The following TUBGCP5 variants were observed in gnomAD, a reference collection of about 807,000 sequenced individuals.
TUBGCP5 encodes gamma-tubulin complex component 5.
TUBGCP5 carries 98 observed loss-of-function variants against 134.7 expected under a neutral mutation model. The observed-to-expected ratio is 0.73, with a 90% CI of 0.62 to 0.86. The LOEUF (loss-of-function observed/expected upper bound fraction) is 0.86. Ranked by LOEUF, TUBGCP5 falls within the 40% of genes least tolerant of loss-of-function variation. The probability of loss-of-function intolerance (pLI) is 0.00; values close to 1 mark genes in which losing one functional copy is unlikely to be tolerated. For synonymous variants in TUBGCP5, 456 were observed against 431.4 expected (o/e 1.06, Z -0.71); for missense variants, 1,150 against 1,244.8 (o/e 0.92, Z 1.15).
intron 3 of TUBGCP5, among the ~76,000 whole-genome samples, chr15:23,034,859 T>C (rs1375007644): frequency 6.8e-6 from 1 of 147,488 alleles, no homozygotes; most frequent in Non-Finnish European, 1.5e-5. Flanking sequence ...CAAAAAGACA[T>C]TGAAAACAGG....
rs1427797973 is a variant in TUBGCP5 at position 23,009,950 on chromosome 15, A to C, written c.2139T>G (p.Asp713Glu). 1 of 1,611,692 alleles carries C rather than the reference A, an allele frequency of 6.2e-7. No individual in the cohort carries two copies. The highest frequency in any genetic ancestry group is 8.5e-7 in the Non-Finnish European group (1 of 1,178,624). Reference protein sequence around the residue: ...CGNLMQTLKKDYRLVEYLQAM... With the variant: ...CGNLMQTLKKEYRLVEYLQAM... ...AAATTAAATTACTCTTTTACCTGTAATCTTTTTTTAGAGTTTGCATGAGAT... is the reference window on the plus strand; with the variant it reads ...AAATTAAATTACTCTTTTACCTGTACTCTTTTTTTAGAGTTTGCATGAGAT... The change falls in exon 15 of 23, where the codon GAT becomes GAG. Residue 713 changes from aspartate to glutamate, a missense_variant. By Grantham distance (45) the Asp-to-Glu change is conservative. This residue lies in a region of TUBGCP5 where 697 missense variants were observed against 850.1 expected (regional missense o/e 0.82). Transcript: ENST00000615383.
chr15:23,034,568 A>T (rs543001965), intron 3 of TUBGCP5, among the ~76,000 whole-genome samples: 1 of 152,178 alleles, frequency 6.6e-6, no homozygotes, highest in Non-Finnish European at 1.5e-5. Context: ...GCTTGAAAAT[A>T]TATCAACAGA....
chr15:22,999,549 C>T lies in TUBGCP5; in HGVS notation c.*271G>A, dbSNP rs967405054. On this transcript the variant is annotated 3_prime_UTR_variant, in exon 23 of 23. Coordinates refer to ENST00000615383, the MANE Select transcript of TUBGCP5 (RefSeq NM_052903.6). Reference sequence around the variant, plus strand: ...CTGAGTAGCTGGGACTACAGGTACACACCACCATGTCTGGATACATTTTGT... The same window carrying T: ...CTGAGTAGCTGGGACTACAGGTACATACCACCATGTCTGGATACATTTTGT... 1.9e-5 allele frequency: 8 copies of T among 429,878 alleles called. No homozygotes were observed. Among genetic ancestry groups the T allele is most frequent in the Admixed American group, 3.5e-5 (1 of 28,584 alleles). The allele number at this position is 429,878 out of a possible 1,614,324, so 26.6% of individuals were successfully genotyped here.
At chr15:23,014,965 G>C (rs1013820854) in intron 13 of TUBGCP5, among the ~76,000 whole-genome samples, 2 of 152,152 alleles carry the variant, frequency 1.3e-5, no homozygotes, top group Non-Finnish European at 2.9e-5. Flanking sequence ...CCTGGCCAGA[G>C]TAACAGCCTG....
At chr15:23,027,705 C>T (rs1044052430) in intron 6 of TUBGCP5, among the ~76,000 whole-genome samples, 4 of 151,936 alleles carry the variant, frequency 2.6e-5, no homozygotes, top group Non-Finnish European at 5.9e-5. Flanking sequence ...TGAGATCATG[C>T]CACTACGCTC....
chr15:22,986,843 C>T (rs8029320), intron 23 of TUBGCP5, among the ~76,000 whole-genome samples: 30,469 of 151,928 alleles, frequency 0.2, 3,176 homozygotes, highest in African/African-American at 0.23. Context: ...GTGTAGGAAA[C>T]TTCTGGGGAC....
chr15:23,011,761 T>G (rs1296564638), intron 13 of TUBGCP5, among the ~76,000 whole-genome samples: 1 of 143,406 alleles, frequency 7.0e-6, no homozygotes, highest in Non-Finnish European at 1.5e-5. Context: ...TCCACCCGCC[T>G]CAGCCTCCCA....
chr15:23,021,574 AC>A (rs1467495821), intron 11 of TUBGCP5, among the ~76,000 whole-genome samples: 1 of 152,116 alleles, frequency 6.6e-6, no homozygotes, highest in African/African-American at 2.4e-5. Context: ...GAAACTCTGT[AC>A]CCATTAAACA....
chr15:23,026,739 C>T (rs943682753), intron 7 of TUBGCP5, among the ~76,000 whole-genome samples: 1 of 152,072 alleles, frequency 6.6e-6, no homozygotes, highest in Non-Finnish European at 1.5e-5. Flanking sequence ...TCAAGACCAG[C>T]CTGGCCAACA....
chr15:23,033,180 A>G (rs980650866), intron 3 of TUBGCP5, among the ~76,000 whole-genome samples: 3 of 152,196 alleles, frequency 2.0e-5, no homozygotes, highest in Admixed American at 6.5e-5. Flanking sequence ...CATGCCTGAT[A>G]GTTTAACTAA....
chr15:23,025,646 C>T (rs1227943716), intron 8 of TUBGCP5, among the ~76,000 whole-genome samples: 1 of 152,070 alleles, frequency 6.6e-6, no homozygotes, highest in Non-Finnish European at 1.5e-5. Context: ...TCCTGGCTAA[C>T]ATGGTGAAAC....
Position 23,037,166 on chromosome 15 carries a change from A to T in TUBGCP5, c.147-14T>A. On this transcript the variant is annotated splice_polypyrimidine_tract_variant and intron_variant, in intron 1 of 22. Coordinates refer to ENST00000615383, the MANE Select transcript of TUBGCP5 (RefSeq NM_052903.6). ...AAACGATGAAATCTATTAAAGACAAAATGCAATTCTTATGCCAACTCTGTC... is the reference window on the plus strand; with the variant it reads ...AAACGATGAAATCTATTAAAGACAATATGCAATTCTTATGCCAACTCTGTC... The T allele has an allele frequency of 6.2e-7, 1 of 1,611,462 alleles. No individual in the cohort carries two copies. Among genetic ancestry groups the T allele is most frequent in the Non-Finnish European group, 8.5e-7 (1 of 1,179,522 alleles).
chr15:22,989,164 C>G (rs1205232385), intron 23 of TUBGCP5, among the ~76,000 whole-genome samples: 1 of 152,164 alleles, frequency 6.6e-6, no homozygotes, highest in East Asian at 1.9e-4. Context: ...CTAATTCCAT[C>G]TGCAATTTTA....
chr15:23,021,679 T>C (rs879711782), intron 11 of TUBGCP5, among the ~76,000 whole-genome samples: 5 of 152,214 alleles, frequency 3.3e-5, no homozygotes, highest in Non-Finnish European at 5.9e-5. Context: ...GTTAGTTACA[T>C]GTTAGTGTTT....
chr15:23,035,970 C>T (rs920150139), intron 3 of TUBGCP5, among the ~76,000 whole-genome samples: 1 of 152,174 alleles, frequency 6.6e-6, no homozygotes, highest in African/African-American at 2.4e-5. Context: ...AATTGAAATA[C>T]ATAGCATGTG....
At chr15:23,003,274 G>T in intron 20 of TUBGCP5, 121 bp from the exon 21 acceptor site, 1 of 861,256 alleles carries the variant, frequency 1.2e-6, no homozygotes, top group Non-Finnish European at 1.9e-6. Flanking sequence ...TGCCTTCTGT[G>T]TATATGGAAG....
At chr15:22,992,459 G>C (rs1595786527) in intron 23 of TUBGCP5, among the ~76,000 whole-genome samples, 2 of 152,222 alleles carry the variant, frequency 1.3e-5, no homozygotes, top group African/African-American at 4.8e-5. Context: ...ACAGGTATGG[G>C]TGTATGGGTA....
chr15:23,026,185 CTGCTGTACAAG>C lies in TUBGCP5; in HGVS notation c.747_757del (p.His249GlnfsTer2), dbSNP rs1165983914. 1 of 1,613,364 alleles carries C rather than the reference CTGCTGTACAAG, an allele frequency of 6.2e-7. No individual in the cohort carries two copies. Among genetic ancestry groups the C allele is most frequent in the Non-Finnish European group, 8.5e-7 (1 of 1,179,760 alleles). Reference sequence around the variant, plus strand: ...GTCATCTGGAACATACAATGGATCACTGCTGTACAAGTGTTGGTCCCTATGAGACAGCAAAC... The same window carrying C: ...GTCATCTGGAACATACAATGGATCACTGTTGGTCCCTATGAGACAGCAAAC... On this transcript the variant is annotated frameshift_variant, in exon 8 of 23. Transcript: ENST00000615383. LOFTEE classifies it high-confidence loss of function.
chr15:23,026,553 CA>C (rs2065995928), intron 7 of TUBGCP5, among the ~76,000 whole-genome samples: 1 of 151,928 alleles, frequency 6.6e-6, no homozygotes, highest in South Asian at 2.1e-4. Context: ...AAATTAACAA[CA>C]AAAAATGGAA....
Sources: gnomAD v4.1 joint callset for allele counts (sites outside exome capture counted in the v4.1 genomes callset) on GRCh38, gnomAD v4.1.1 for gene constraint, gnomAD v4.1.1 regional missense constraint, MANE v1.5 for transcripts, NCBI Gene and HGNC (gene_info 2026-07-23, HGNC 2026-07-21) for gene names.